Variants in STK32C observed in about 807,000 individuals in gnomAD.
The protein encoded by STK32C is serine/threonine kinase 32C, also known as serine/threonine-protein kinase 32C.
A neutral mutation model predicts 56.5 loss-of-function variants in STK32C; 31 were observed. That is an observed-to-expected ratio of 0.55 (90% confidence interval 0.41 to 0.74). STK32C has a LOEUF of 0.74. Among genes scored for constraint, STK32C ranks in the 30% least tolerant of loss-of-function variants. The pLI is 0.00. For synonymous variants in STK32C, 309 were observed against 289.4 expected, an observed-to-expected ratio of 1.07 and a Z score of -0.69; for missense variants, 544 against 676.9, an observed-to-expected ratio of 0.80 and a Z score of 2.18.
At chr10:132,298,648 G>T (rs149556664) in intron 1 of STK32C, among the ~76,000 whole-genome samples, 1 of 151,400 alleles carries the variant, frequency 6.6e-6, no homozygotes, top group Non-Finnish European at 1.5e-5. Flanking sequence ...GTTGAGCGCC[G>T]TGTGTGGGGT....
chr10:132,209,167 G>A, intron 10 of STK32C, 66 bp from the exon 11 acceptor site: 2 of 1,462,928 alleles, frequency 1.4e-6, no homozygotes, highest in Non-Finnish European at 1.9e-6. Flanking sequence ...GTCCCCTCAA[G>A]TGAGTGTCTG....
intron 1 of STK32C, among the ~76,000 whole-genome samples, chr10:132,295,281 G>A (rs1166848517): frequency 1.3e-5 from 2 of 152,162 alleles, no homozygotes; most frequent in Non-Finnish European, 2.9e-5. Context: ...AAAGAAACCA[G>A]GGCTCCTTGG....
At chr10:132,320,315 A>G (rs2066380199), downstream of STK32C, among the ~76,000 whole-genome samples, 1 of 151,928 alleles carries the variant, frequency 6.6e-6, no homozygotes, top group African/African-American at 2.4e-5. Flanking sequence ...ATTAGTCATA[A>G]CTGTTGCAAT....
rs1474043842 is a variant in STK32C at position 132,284,385 on chromosome 10, G to GT, written c.262+23186_262+23187insA. ...GGTTGGGGGGGGCAGGTGAGGTTGG[G>GT]GGGGCAGGTGAGGTTGCAGGGGCAG... On this transcript the variant is annotated intron_variant, in intron 1 of 11. Coordinates refer to ENST00000298630, the MANE Select transcript of STK32C (RefSeq NM_173575.4). 1.2e-3 allele frequency among the ~76,000 whole-genome samples: 40 copies of GT among 34,330 alleles called. 3 individuals are homozygous for GT. Among genetic ancestry groups the GT allele is most frequent in the African/African-American group, 3.8e-3 (33 of 8,666 alleles). 22.5% of individuals were successfully genotyped at this position (34,330 alleles called of 152,430 possible).
At chr10:132,315,951 TA>T (rs1387455160) in intron 1 of STK32C, among the ~76,000 whole-genome samples, 1 of 152,174 alleles carries the variant, frequency 6.6e-6, no homozygotes, top group Non-Finnish European at 1.5e-5. Context: ...CATTATCAAA[TA>T]ATGAATCACA....
At chr10:132,286,441 C>G (rs1448667879) in intron 1 of STK32C, among the ~76,000 whole-genome samples, 1 of 152,198 alleles carries the variant, frequency 6.6e-6, no homozygotes, top group African/African-American at 2.4e-5. Context: ...GAGGCCAGCA[C>G]ATGCCTGATG....
At chr10:132,259,431 G>A (rs868030603) in intron 1 of STK32C, among the ~76,000 whole-genome samples, 1 of 152,096 alleles carries the variant, frequency 6.6e-6, no homozygotes, top group African/African-American at 2.4e-5. Flanking sequence ...TGCTGTTCTC[G>A]TGATAGTGAG....
chr10:132,209,112 A>G lies in STK32C; in HGVS notation c.1252-11T>C. 1 of 1,612,772 alleles carries G rather than the reference A, an allele frequency of 6.2e-7. No individual in the cohort carries two copies. Among genetic ancestry groups the G allele is most frequent in the Non-Finnish European group, 8.5e-7 (1 of 1,179,248 alleles). Reference sequence around the variant, plus strand: ...AAGATAGTCATTCTCCTGTGGATGGAAAGGCACACGTGAGCGTGGGGGACG... The same window carrying G: ...AAGATAGTCATTCTCCTGTGGATGGGAAGGCACACGTGAGCGTGGGGGACG... On this transcript the variant is annotated splice_polypyrimidine_tract_variant and intron_variant, in intron 10 of 11. Coordinates refer to ENST00000298630, the MANE Select transcript of STK32C (RefSeq NM_173575.4).
chr10:132,267,520 AGT>A (rs988023784), intron 1 of STK32C, among the ~76,000 whole-genome samples: 2 of 84,894 alleles, frequency 2.4e-5, no homozygotes, highest in Admixed American at 1.1e-4. Context: ...TGTGTGTGTC[AGT>A]GTGTGTGCAT....
chr10:132,254,136 C>T (rs1055468051), intron 1 of STK32C, among the ~76,000 whole-genome samples: 2 of 152,082 alleles, frequency 1.3e-5, no homozygotes, highest in South Asian at 4.1e-4. Context: ...GGTGAAACCC[C>T]GTCTCTACTA....
At chr10:132,251,514 T>C (rs896361456) in intron 1 of STK32C, among the ~76,000 whole-genome samples, 1 of 152,042 alleles carries the variant, frequency 6.6e-6, no homozygotes, top group Non-Finnish European at 1.5e-5. Flanking sequence ...AGGGGGGGCA[T>C]AGGAGCCCCC....
chr10:132,305,572 A>C (rs2066033206), intron 1 of STK32C, among the ~76,000 whole-genome samples: 1 of 152,204 alleles, frequency 6.6e-6, no homozygotes, highest in African/African-American at 2.4e-5. Context: ...GTACCAGGCA[A>C]ATGACTGCAC....
chr10:132,317,000 C>CA (rs71472739), intron 1 of STK32C, among the ~76,000 whole-genome samples: 1,415 of 81,330 alleles, frequency 0.017, 18 homozygotes, highest in African/African-American at 0.032. Context: ...GACTCCATCT[C>CA]AAAAAAAAAA....
chr10:132,254,476 G>T (rs2064033095), intron 1 of STK32C, among the ~76,000 whole-genome samples: 1 of 150,544 alleles, frequency 6.6e-6, no homozygotes, highest in Non-Finnish European at 1.5e-5. Flanking sequence ...CACAATGCGT[G>T]CACCCTCCAC....
At chr10:132,269,480 AGT>A (rs533997429) in intron 1 of STK32C, among the ~76,000 whole-genome samples, 1 of 152,148 alleles carries the variant, frequency 6.6e-6, no homozygotes, top group Admixed American at 6.5e-5. Context: ...ACCTGGGGAA[AGT>A]GTGTGGCAGC....
At chr10:132,246,891 C>T (rs542689560) in intron 1 of STK32C, among the ~76,000 whole-genome samples, 4 of 152,166 alleles carry the variant, frequency 2.6e-5, no homozygotes, top group South Asian at 4.1e-4. Context: ...CCCCTAAGTC[C>T]GTGTCCCCAG....
At chr10:132,282,334 A>C (rs1053329945) in intron 1 of STK32C, among the ~76,000 whole-genome samples, 1 of 152,208 alleles carries the variant, frequency 6.6e-6, no homozygotes, top group East Asian at 1.9e-4. Flanking sequence ...AACTGGAATA[A>C]AGTCCTCTCT....
chr10:132,215,102 T>C (rs1474251119), intron 10 of STK32C, among the ~76,000 whole-genome samples: 1 of 152,184 alleles, frequency 6.6e-6, no homozygotes, highest in Non-Finnish European at 1.5e-5. Context: ...TACTGCAGCC[T>C]TGAACTCCTG....
chr10:132,315,105 G>A (rs2066288973), intron 1 of STK32C, among the ~76,000 whole-genome samples: 3 of 152,252 alleles, frequency 2.0e-5, no homozygotes, highest in Admixed American at 1.3e-4. Context: ...TTGCATTCCA[G>A]CCTGGGCAAC....
Sources: gnomAD v4.1 joint callset for allele counts (sites outside exome capture counted in the v4.1 genomes callset) on GRCh38, gnomAD v4.1.1 for gene constraint, MANE v1.5 for transcripts, NCBI Gene and HGNC (gene_info 2026-07-23, HGNC 2026-07-21) for gene names.